The following CHL1 variants were observed in gnomAD, a reference collection of about 807,000 sequenced individuals.
The protein encoded by CHL1 is cell adhesion molecule L1 like, also known as neural cell adhesion molecule L1-like protein.
In CHL1, 96 loss-of-function variants were observed where a neutral mutation model predicts 141.9. The observed-to-expected ratio is 0.68, with a 90% confidence interval of 0.57 to 0.80. The LOEUF (loss-of-function observed/expected upper bound fraction) is 0.80, where lower values mean the gene tolerates loss of function less well. Among genes scored for constraint, CHL1 ranks in the 30% least tolerant of loss-of-function variants. The pLI is 0.00. For missense variants in CHL1, 1,820 were observed against 1,457.2 expected (o/e 1.25, Z -4.05); for synonymous variants, 613 against 502.2 (o/e 1.22, Z -2.95).
intron 1 of CHL1, among the ~76,000 whole-genome samples, chr3:204,741 G>A (rs1225766854): frequency 6.6e-6 from 1 of 152,106 alleles, no homozygotes; most frequent in Non-Finnish European, 1.5e-5. Flanking sequence ...CCTTTTCCAA[G>A]ACTGATACTG....
At chr3:225,194 C>A (rs1701202634) in intron 1 of CHL1, among the ~76,000 whole-genome samples, 1 of 152,144 alleles carries the variant, frequency 6.6e-6, no homozygotes, top group African/African-American at 2.4e-5. Context: ...GTTAATGAAT[C>A]TTTTATTCAT....
chr3:236,845 C>G (rs1175417640), intron 1 of CHL1, among the ~76,000 whole-genome samples: 1 of 151,014 alleles, frequency 6.6e-6, no homozygotes, highest in Non-Finnish European at 1.5e-5. Flanking sequence ...CCTTCAGTCC[C>G]ATTATTAGAG....
chr3:380,248 C>G (rs1363277984), intron 16 of CHL1, among the ~76,000 whole-genome samples: 1 of 152,110 alleles, frequency 6.6e-6, no homozygotes, highest in Non-Finnish European at 1.5e-5. Context: ...AGTCATGAAC[C>G]ACATTTTTTA....
chr3:238,374 C>T (rs1004941996), intron 1 of CHL1, among the ~76,000 whole-genome samples: 3 of 151,224 alleles, frequency 2.0e-5, no homozygotes, highest in African/African-American at 7.4e-5. Context: ...CTCAAAACCT[C>T]CAGTGTTTAA....
At chr3:307,628 T>C (rs1370924327) in intron 2 of CHL1, among the ~76,000 whole-genome samples, 1 of 152,192 alleles carries the variant, frequency 6.6e-6, no homozygotes. Flanking sequence ...TGAGCAAACA[T>C]TTCTAGCAAA....
intron 2 of CHL1, among the ~76,000 whole-genome samples, chr3:291,984 A>G (rs2125343645): frequency 1.3e-5 from 2 of 152,308 alleles, no homozygotes; most frequent in South Asian, 4.1e-4. Flanking sequence ...TGAAATTCAA[A>G]TGTTCATTTT....
intron 15 of CHL1, among the ~76,000 whole-genome samples, chr3:372,131 T>G (rs916413713): frequency 6.6e-6 from 1 of 152,196 alleles, no homozygotes; most frequent in Non-Finnish European, 1.5e-5. Flanking sequence ...ACTCTGTATT[T>G]CCTTAATTTG....
At chr3:384,777 A>G (rs1707474851) in intron 19 of CHL1, 1 of 152,198 alleles carries the variant, frequency 6.6e-6, no homozygotes, top group South Asian at 2.1e-4. Flanking sequence ...GTATGCTGAA[A>G]TATACTAATT....
intron 1 of CHL1, among the ~76,000 whole-genome samples, chr3:222,471 C>G (rs932462102): frequency 6.6e-6 from 1 of 152,222 alleles, no homozygotes; most frequent in African/African-American, 2.4e-5. Flanking sequence ...ATTACCCAAT[C>G]AAACCCAAAC....
At chr3:356,902 G>C (rs1056526117) in intron 11 of CHL1, among the ~76,000 whole-genome samples, 1 of 152,190 alleles carries the variant, frequency 6.6e-6, no homozygotes. Flanking sequence ...AAGCAGAAGA[G>C]TGACACAATC....
At position 319,707 on chromosome 3, in the gene CHL1, C is replaced by A; in HGVS notation, c.-70C>A. On this transcript the variant is annotated 5_prime_UTR_variant, in exon 3 of 28. The change creates a new upstream start codon in the 5' untranslated region. Coordinates refer to ENST00000256509, the MANE Select transcript of CHL1 (RefSeq NM_006614.4). The stretch of plus-strand genomic sequence containing the variant: ...GTTTCCAGGTTAACTAAGGTCTCAG[C>A]TGTAAACCAAAAGTGAGAGGAGACA... 4 of 975,948 alleles carry A rather than the reference C, an allele frequency of 4.1e-6. No homozygotes were observed. The highest frequency in any genetic ancestry group is 6.4e-6 in the Non-Finnish European group (4 of 622,512). The allele number at this position is 975,948 out of a possible 1,614,324, so 60.5% of individuals were successfully genotyped here.
rs201459660 is a variant in CHL1 at position 387,481 on chromosome 3, AC to A, written c.2248-1770del. 6.9e-3 allele frequency among the ~76,000 whole-genome samples: 1,053 copies of A among 152,342 alleles called. 10 individuals are homozygous for A. The highest frequency in any genetic ancestry group is 0.022 in the African/African-American group (895 of 41,582). On this transcript the variant is annotated intron_variant, in intron 19 of 27. Transcript: ENST00000256509. ...AGGCTGTTTATTTGGGTTCCCAGGT[AC>A]TAAAAAGGCCGCTAATATAGCTAAA... is the stretch of plus-strand genomic sequence containing the variant.
At chr3:213,724 G>C (rs530218916) in intron 1 of CHL1, 2 of 152,260 alleles carry the variant, frequency 1.3e-5, no homozygotes, top group South Asian at 4.1e-4. Context: ...TTAGGAAAGA[G>C]GTAGAATTTG....
intron 2 of CHL1, among the ~76,000 whole-genome samples, chr3:263,853 T>G (rs962187283): frequency 2.0e-5 from 3 of 152,226 alleles, no homozygotes; most frequent in Non-Finnish European, 4.4e-5. Flanking sequence ...CTACAAACAA[T>G]TGTATAAGCT....
chr3:234,776 CA>C (rs1343876696), intron 1 of CHL1, among the ~76,000 whole-genome samples: 2 of 152,122 alleles, frequency 1.3e-5, no homozygotes, highest in African/African-American at 2.4e-5. Context: ...GCTCCCCATT[CA>C]TGGGTGTGCC....
intron 11 of CHL1, among the ~76,000 whole-genome samples, chr3:357,968 A>C (rs1272450884): frequency 6.6e-6 from 1 of 152,196 alleles, no homozygotes; most frequent in Non-Finnish European, 1.5e-5. Flanking sequence ...ATTCCTAAAG[A>C]GTTTAGCCTT....
chr3:384,282 C>G (rs567987050), intron 19 of CHL1: 1 of 154,492 alleles, frequency 6.5e-6, no homozygotes, highest in African/African-American at 2.4e-5. Flanking sequence ...GTATTCACTA[C>G]TCATTAAACA....
At chr3:205,078 T>C (rs550239724) in intron 1 of CHL1, among the ~76,000 whole-genome samples, 148 of 150,152 alleles carry the variant, frequency 9.9e-4, no homozygotes, top group African/African-American at 3.5e-3. Flanking sequence ...TTTCAGGTTT[T>C]CTTTTTCCTT....
At chr3:402,323 G>A (rs1265519549) in intron 27 of CHL1, among the ~76,000 whole-genome samples, 1 of 152,176 alleles carries the variant, frequency 6.6e-6, no homozygotes, top group African/African-American at 2.4e-5. Context: ...GGGTGTGTCG[G>A]GCAAGGGAGG....
Sources: allele counts gnomAD v4.1 joint callset (sites outside exome capture counted in the v4.1 genomes callset), GRCh38; gene constraint gnomAD v4.1.1; transcripts MANE v1.5; gene names NCBI Gene and HGNC (gene_info 2026-07-23, HGNC 2026-07-21).